The following ACSBG2 variants were observed in gnomAD, a reference collection of about 807,000 sequenced individuals.
ACSBG2 encodes acyl-CoA synthetase bubblegum family member 2.
A neutral mutation model predicts 74.7 loss-of-function variants in ACSBG2; 62 were observed. The ratio of observed to expected loss-of-function variants is 0.83; its 90% CI spans 0.68 to 1.03. ACSBG2 has a LOEUF of 1.03. ACSBG2 is among the 50% of genes least tolerant of loss of function. ACSBG2 has a pLI of 0.00. For synonymous variants in ACSBG2, 309 were observed against 294.1 expected (o/e 1.05, Z -0.52); for missense variants, 730 against 817.6 (o/e 0.89, Z 1.31).
At chr19:6,187,178 T>A (rs1449185260) in intron 11 of ACSBG2, 105 bp from the exon 12 acceptor site, 2 of 1,479,190 alleles carry the variant, frequency 1.4e-6, no homozygotes, top group African/African-American at 2.8e-5. Context: ...CTAATTTTTG[T>A]ATATTTAGTA....
At chr19:6,173,597 C>T (rs1302748518) in intron 7 of ACSBG2, among the ~76,000 whole-genome samples, 2 of 152,144 alleles carry the variant, frequency 1.3e-5, no homozygotes, top group African/African-American at 4.8e-5. Context: ...GCCCTTGCAG[C>T]TTTCCTTTCC....
intron 2 of ACSBG2, 85 bp downstream of exon 2, chr19:6,141,695 A>G (rs1016465386): frequency 1.3e-5 from 12 of 933,566 alleles, no homozygotes; most frequent in Admixed American, 9.7e-5. Flanking sequence ...GGATCTAGAA[A>G]GATGTAGCCA....
chr19:6,144,770 C>G (rs2145014648), intron 2 of ACSBG2, among the ~76,000 whole-genome samples: 1 of 152,042 alleles, frequency 6.6e-6, no homozygotes, highest in South Asian at 2.1e-4. Context: ...TCTTGGCTCA[C>G]TGCAACCTCT....
chr19:6,167,977 A>AC lies in ACSBG2; in HGVS notation c.738+1967dup, dbSNP rs1377810301. Among the ~76,000 whole-genome samples, 278 of 28,456 alleles carry AC rather than the reference A, an allele frequency of 9.8e-3. 2 individuals carry two copies. The highest frequency in any genetic ancestry group is 0.035 in the African/African-American group (255 of 7,374). The allele number at this position is 28,456 out of a possible 152,430, so 18.7% of individuals were successfully genotyped here. On this transcript the variant is annotated intron_variant, in intron 7 of 14. Transcript: ENST00000588485. The stretch of plus-strand genomic sequence containing the variant: ...CGCCTCCCACCCAACTCCCACCCTC[A>AC]CCCCCACCCCCAGTCTATCCTCTCT...
intron 4 of ACSBG2, among the ~76,000 whole-genome samples, chr19:6,155,410 C>T (rs4807839): frequency 5.9e-5 from 9 of 152,070 alleles, no homozygotes; most frequent in Non-Finnish European, 1.0e-4. Context: ...TTAGACAGGA[C>T]ACAGAGAGCA....
chr19:6,141,719 C>T lies in ACSBG2; in HGVS notation c.67+109C>T, dbSNP rs1251890807. On this transcript the variant is annotated intron_variant, in intron 2 of 14. Transcript: ENST00000588485. ...AAGATGTAGCCATTCCTTGCCTGAC[C>T]CTGCTGACCCCGACCCCCCACCCTT... 6.7e-6 allele frequency: 5 copies of T among 743,362 alleles called. No individual in the cohort carries two copies. The East Asian group carries it at 8.2e-5, about 12-fold the overall frequency. 46.0% of individuals were successfully genotyped at this position (743,362 alleles called of 1,614,324 possible).
chr19:6,167,971 A>AC (rs2089856510), intron 7 of ACSBG2, among the ~76,000 whole-genome samples: 1 of 21,016 alleles, frequency 4.8e-5, no homozygotes, highest in African/African-American at 2.0e-4. Context: ...CCCAACTCCC[A>AC]CCCTCACCCC....
chr19:6,181,696 G>A (rs1015641097), intron 8 of ACSBG2, among the ~76,000 whole-genome samples: 1 of 151,940 alleles, frequency 6.6e-6, no homozygotes, highest in Non-Finnish European at 1.5e-5. Flanking sequence ...TTACATTTAG[G>A]GCTATAATGC....
Position 6,156,504 on chromosome 19 carries a change from A to T in ACSBG2, c.460A>T (p.Asn154Tyr). ...ATATGTCATCACTCATGCCAAAGTG[A>T]ACATCTTGCTGGTTGAGAATGATCA... Reference protein sequence around the residue: ...CQYVITHAKVNILLVENDQQL... With the variant: ...CQYVITHAKVYILLVENDQQL... Residue 154 changes from asparagine to tyrosine, a missense_variant, in exon 5 of 15, where the codon AAC (asparagine) becomes TAC (tyrosine). Physicochemically the swap from Asn to Tyr is moderately radical, Grantham distance 143 (BLOSUM62 -2). Transcript: ENST00000588485. 1 of 1,596,516 alleles carries T rather than the reference A, an allele frequency of 6.3e-7. No individual in the cohort carries two copies. Among genetic ancestry groups the T allele is most frequent in the Non-Finnish European group, 8.5e-7 (1 of 1,171,436 alleles).
At position 6,143,503 on chromosome 19, in the gene ACSBG2, A is replaced by C. The variant is rs898291349; in HGVS notation, c.67+1893A>C. On this transcript the variant is annotated intron_variant, in intron 2 of 14. Coordinates refer to ENST00000588485, the MANE Select transcript of ACSBG2 (RefSeq NM_030924.5). ...AAGATCCTTCACTAAATCCACCTAC[A>C]AAAACCCTGTTTCCAAATACGGTCA... 2.0e-5 allele frequency among the ~76,000 whole-genome samples: 3 copies of C among 152,246 alleles called. No homozygotes were observed. The South Asian group carries it at 6.2e-4, about 32-fold the overall frequency.
rs189238202 is a variant in ACSBG2 at position 6,191,359 on chromosome 19, C to A, written c.*35+667C>A. On this transcript the variant is annotated intron_variant, in intron 14 of 14. Coordinates refer to ENST00000588485, the MANE Select transcript of ACSBG2 (RefSeq NM_030924.5). ...GGCAACTTGTTCTAATGCCACCAGC[C>A]AACCCATGTTTTAGTTTGCTGGGGC... 1.4e-4 allele frequency: 21 copies of A among 152,302 alleles called. No homozygotes were observed. In the East Asian group the frequency reaches 3.9e-3, roughly 28 times the overall value. 9.4% of individuals were successfully genotyped at this position (152,302 alleles called of 1,614,324 possible).
chr19:6,176,487 G>T, intron 7 of ACSBG2: 2 of 1,083,634 alleles, frequency 1.8e-6, no homozygotes, highest in Non-Finnish European at 2.5e-6. Flanking sequence ...ACTGACTTAT[G>T]AAAAAACAAC....
intron 1 of ACSBG2, among the ~76,000 whole-genome samples, chr19:6,138,932 T>G (rs1381754645): frequency 1.3e-5 from 2 of 152,104 alleles, no homozygotes; most frequent in African/African-American, 4.8e-5. Context: ...CATTTCTTCT[T>G]GGGCCGCACA....
chr19:6,162,507 C>A, intron 6 of ACSBG2, among the ~76,000 whole-genome samples: 1 of 134,856 alleles, frequency 7.4e-6, no homozygotes, highest in Non-Finnish European at 1.5e-5. Flanking sequence ...GCGGAGCTTG[C>A]AGTGAGCTGA....
intron 7 of ACSBG2, among the ~76,000 whole-genome samples, chr19:6,168,118 C>A (rs888869637): frequency 6.6e-6 from 1 of 152,096 alleles, no homozygotes; most frequent in African/African-American, 2.4e-5. Context: ...CTGAGGCCCA[C>A]AAGGCACTGC....
chr19:6,147,453 C>G lies in ACSBG2; in HGVS notation c.75C>G (p.Pro25=). The change falls in exon 3 of 15, where the codon CCC becomes CCG. Residue 25 remains proline (P), a synonymous_variant. Coordinates refer to ENST00000588485, the MANE Select transcript of ACSBG2 (RefSeq NM_030924.5). The part of the protein sequence containing the change: ...EVDMNKTEVT[P]RLWTTCRDGE... ...TCTGGTGACTATTTGCAGTTACTCC[C>G]AGGCTGTGGACCACCTGTCGAGATG... 1 of 1,614,016 alleles carries G rather than the reference C, an allele frequency of 6.2e-7. No individual in the cohort carries two copies. Among genetic ancestry groups the G allele is most frequent in the South Asian group, 1.1e-5 (1 of 91,072 alleles).
chr19:6,169,536 T>G (rs1487434360), intron 7 of ACSBG2, among the ~76,000 whole-genome samples: 1 of 152,210 alleles, frequency 6.6e-6, no homozygotes, highest in African/African-American at 2.4e-5. Context: ...CCTCTAGCTG[T>G]GTTCTTTTTG....
chr19:6,179,132 G>A (rs747199400), intron 8 of ACSBG2, among the ~76,000 whole-genome samples: 1 of 152,112 alleles, frequency 6.6e-6, no homozygotes, highest in Non-Finnish European at 1.5e-5. Context: ...TCTACAAGCT[G>A]CCATACAGGG....
At position 6,187,592 on chromosome 19, in the gene ACSBG2, G is replaced by T; in HGVS notation, c.1681-7G>T. ...GCATGGGTGGTGACAGAGGTGTCTG[G>T]GGGCAGTGTGAGATGAATCAGATGA... On this transcript the variant is annotated splice_polypyrimidine_tract_variant and splice_region_variant and intron_variant, in intron 12 of 14. Coordinates refer to ENST00000588485, the MANE Select transcript of ACSBG2 (RefSeq NM_030924.5). 1 of 1,614,026 alleles carries T rather than the reference G, an allele frequency of 6.2e-7. No individual in the cohort carries two copies. Among genetic ancestry groups the T allele is most frequent in the South Asian group, 1.1e-5 (1 of 91,052 alleles).
Sources: gnomAD v4.1 joint callset for allele counts (sites outside exome capture counted in the v4.1 genomes callset) on GRCh38, gnomAD v4.1.1 for gene constraint, MANE v1.5 for transcripts, NCBI Gene and HGNC (gene_info 2026-07-23, HGNC 2026-07-21) for gene names.